The following CNTN3 variants were observed in gnomAD, a reference collection of about 807,000 sequenced individuals.
CNTN3 encodes the protein contactin 3.
CNTN3 carries 60 observed loss-of-function variants against 119.1 expected under a neutral mutation model. The observed-to-expected ratio is 0.50, with a 90% CI of 0.41 to 0.62. The LOEUF (loss-of-function observed/expected upper bound fraction) is 0.62, where lower values mean the gene tolerates loss of function less well. Among genes scored for constraint, CNTN3 ranks in the 20% least tolerant of loss-of-function variants. CNTN3 has a pLI of 0.00. For missense variants in CNTN3, 1,101 were observed against 1,242.4 expected, an observed-to-expected ratio of 0.89 and a Z score of 1.71; for synonymous variants, 450 against 438.7, an observed-to-expected ratio of 1.03 and a Z score of -0.32.
chr3:74,603,878 G>A (rs996751700), intron 1 of CNTN3, among the ~76,000 whole-genome samples: 4 of 151,934 alleles, frequency 2.6e-5, no homozygotes, highest in African/African-American at 9.7e-5. Context: ...TGAGCAAAAA[G>A]AACAAGCTGG....
intron 2 of CNTN3, among the ~76,000 whole-genome samples, chr3:74,518,830 T>C (rs757296964): frequency 8.6e-5 from 13 of 151,900 alleles, no homozygotes; most frequent in Non-Finnish European, 1.5e-4. Flanking sequence ...TCTTAGGCTG[T>C]ATTTGCATAC....
At chr3:74,399,567 C>T (rs893566686) in intron 5 of CNTN3, among the ~76,000 whole-genome samples, 3 of 152,068 alleles carry the variant, frequency 2.0e-5, no homozygotes, top group African/African-American at 7.2e-5. Flanking sequence ...AGTTGATTCC[C>T]TGTCTTTGCT....
intron 5 of CNTN3, among the ~76,000 whole-genome samples, chr3:74,403,239 GACA>G (rs1382470451): frequency 2.6e-5 from 4 of 152,138 alleles, no homozygotes; most frequent in African/African-American, 9.7e-5. Flanking sequence ...AAAAGAGATG[GACA>G]GTTTCAACAA....
intron 1 of CNTN3, among the ~76,000 whole-genome samples, chr3:74,589,823 T>C (rs1002281892): frequency 7.5e-4 from 114 of 151,632 alleles, no homozygotes; most frequent in South Asian, 2.9e-3. Flanking sequence ...TGGATGAAAT[T>C]GGAAATCATC....
At chr3:74,335,965 A>C (rs949309198) in intron 12 of CNTN3, among the ~76,000 whole-genome samples, 1 of 151,908 alleles carries the variant, frequency 6.6e-6, no homozygotes, top group Non-Finnish European at 1.5e-5. Flanking sequence ...CCTTCTAATA[A>C]TTTTCTTCTT....
intron 5 of CNTN3, among the ~76,000 whole-genome samples, chr3:74,423,524 C>T (rs557239318): frequency 3.9e-5 from 6 of 152,298 alleles, no homozygotes; most frequent in African/African-American, 1.2e-4. Flanking sequence ...CGAGGCAGCA[C>T]GTCCTTCTGG....
intron 4 of CNTN3, among the ~76,000 whole-genome samples, chr3:74,484,331 G>C (rs1362871304): frequency 6.6e-6 from 1 of 152,002 alleles, no homozygotes; most frequent in African/African-American, 2.4e-5. Context: ...TAGCATTTCA[G>C]AAAACTGACT....
Position 74,567,656 on chromosome 3 carries a change from T to C in CNTN3, c.-80-46464A>G, listed in dbSNP as rs555918252. Among the ~76,000 whole-genome samples, 6 of 152,220 alleles carry C rather than the reference T, an allele frequency of 3.9e-5. No homozygotes were observed. The South Asian group carries it at 1.2e-3, about 32-fold the overall frequency. On this transcript the variant is annotated intron_variant, in intron 1 of 22. Transcript: ENST00000263665. ...CTCCAAGAAGGGACCTTTTTGAATCTTGAGAAGACAAAGAGTGGATCATTT... is the reference window on the plus strand; with the variant it reads ...CTCCAAGAAGGGACCTTTTTGAATCCTGAGAAGACAAAGAGTGGATCATTT...
chr3:74,331,720 T>C (rs1411842787), intron 13 of CNTN3, among the ~76,000 whole-genome samples: 1 of 152,188 alleles, frequency 6.6e-6, no homozygotes, highest in African/African-American at 2.4e-5. Context: ...ATACGACTTT[T>C]TGATTCGCCC....
intron 1 of CNTN3, among the ~76,000 whole-genome samples, chr3:74,573,768 T>TAA (rs201652402): frequency 3.6e-5 from 5 of 139,994 alleles, no homozygotes; most frequent in South Asian, 2.3e-4. Context: ...TAGCCGTAAT[T>TAA]AAAAAAAAAA....
chr3:74,285,507 C>A lies in CNTN3; in HGVS notation c.2518-16G>T. ...AGTACCGCACCTGGTGGGCGGAAGACACCAAACATGTGAAGGCTTAAAAAA... is the reference window on the plus strand; with the variant it reads ...AGTACCGCACCTGGTGGGCGGAAGAAACCAAACATGTGAAGGCTTAAAAAA... On this transcript the variant is annotated splice_polypyrimidine_tract_variant and intron_variant, in intron 19 of 22. Coordinates refer to ENST00000263665, the MANE Select transcript of CNTN3 (RefSeq NM_020872.3). 1 of 1,591,360 alleles carries A rather than the reference C, an allele frequency of 6.3e-7. No individual in the cohort carries two copies. Among genetic ancestry groups the A allele is most frequent in the Non-Finnish European group, 8.5e-7 (1 of 1,170,768 alleles).
intron 5 of CNTN3, among the ~76,000 whole-genome samples, chr3:74,408,324 G>A (rs1701373586): frequency 6.6e-6 from 1 of 152,164 alleles, no homozygotes; most frequent in Admixed American, 6.6e-5. Context: ...ACATAATGTT[G>A]TAGGCCTTTA....
At chr3:74,479,546 T>C (rs1053893565) in intron 4 of CNTN3, among the ~76,000 whole-genome samples, 1 of 152,150 alleles carries the variant, frequency 6.6e-6, no homozygotes, top group African/African-American at 2.4e-5. Flanking sequence ...CTCGATTGAG[T>C]ATGCCAGCAT....
intron 1 of CNTN3, among the ~76,000 whole-genome samples, chr3:74,594,367 T>C (rs1029055780): frequency 6.6e-6 from 1 of 151,460 alleles, no homozygotes; most frequent in African/African-American, 2.4e-5. Flanking sequence ...TATGTATACA[T>C]GTGCCATGCT....
chr3:74,342,670 A>C (rs1485847998), intron 11 of CNTN3, among the ~76,000 whole-genome samples: 2 of 152,218 alleles, frequency 1.3e-5, no homozygotes, highest in Admixed American at 1.3e-4. Flanking sequence ...CTTCTATAAA[A>C]TGTTGCTAAA....
intron 4 of CNTN3, among the ~76,000 whole-genome samples, chr3:74,458,290 T>C (rs1559613375): frequency 6.6e-6 from 1 of 152,004 alleles, no homozygotes. Context: ...ACAATATACC[T>C]GGGGCTAATG....
At chr3:74,551,715 T>C (rs1236261637) in intron 1 of CNTN3, among the ~76,000 whole-genome samples, 1 of 113,592 alleles carries the variant, frequency 8.8e-6, no homozygotes, top group Admixed American at 9.1e-5. Flanking sequence ...AATCATTTAG[T>C]ATGTAGTCTT....
At position 74,510,289 on chromosome 3, in the gene CNTN3, C is replaced by T. The variant is rs115354475; in HGVS notation, c.56-10504G>A. Among the ~76,000 whole-genome samples, 1,372 of 152,008 alleles carry T rather than the reference C, an allele frequency of 9.0e-3. 22 individuals carry two copies. Among genetic ancestry groups the T allele is most frequent in the African/African-American group, 0.031 (1,302 of 41,450 alleles). On this transcript the variant is annotated intron_variant, in intron 2 of 22. Coordinates refer to ENST00000263665, the MANE Select transcript of CNTN3 (RefSeq NM_020872.3). Reference sequence around the variant, plus strand: ...TAAAAATATGAACATATAACGGAAGCGAATTCAGTGAATGTGTCTATGACT... The same window carrying T: ...TAAAAATATGAACATATAACGGAAGTGAATTCAGTGAATGTGTCTATGACT...
chr3:74,384,236 G>A (rs1318733491), intron 5 of CNTN3, among the ~76,000 whole-genome samples: 1 of 152,146 alleles, frequency 6.6e-6, no homozygotes, highest in African/African-American at 2.4e-5. Flanking sequence ...ATATTTACCG[G>A]AAACAAACAA....
Sources: allele counts gnomAD v4.1 joint callset (sites outside exome capture counted in the v4.1 genomes callset), GRCh38; gene constraint gnomAD v4.1.1; transcripts MANE v1.5; gene names NCBI Gene and HGNC (gene_info 2026-07-23, HGNC 2026-07-21).